The following TERT variants were observed in gnomAD, a reference collection of about 807,000 sequenced individuals.
The protein encoded by TERT is telomerase reverse transcriptase.
A neutral mutation model predicts 104.0 loss-of-function variants in TERT; 42 were observed. That is an observed-to-expected ratio of 0.40 (90% confidence interval 0.32 to 0.52). The LOEUF (loss-of-function observed/expected upper bound fraction) is 0.52. Among genes scored for constraint, TERT ranks in the 20% least tolerant of loss-of-function variants. The pLI, the probability that TERT is intolerant of heterozygous loss-of-function variation, is 0.43. For missense variants in TERT, 1,101 were observed against 1,610.3 expected (o/e 0.68, Z 5.41); for synonymous variants, 781 against 725.6 (o/e 1.08, Z -1.23).
chr5:1,281,302 C>T (rs1579578624), intron 3 of TERT, among the ~76,000 whole-genome samples: 1 of 152,242 alleles, frequency 6.6e-6, no homozygotes, highest in Non-Finnish European at 1.5e-5. Flanking sequence ...AGCACCACGT[C>T]GGGGTCCCCA....
rs532158398 is a variant in TERT at position 1,264,581 on chromosome 5, C to T, written c.2666G>A (p.Arg889Gln). Residue 889 changes from arginine (R) to glutamine (Q), a missense_variant, in exon 11 of 16, where the codon CGA becomes CAA. By Grantham distance (43) the Arg-to-Gln change is conservative (BLOSUM62 1). Coordinates refer to ENST00000310581, the MANE Select transcript of TERT (RefSeq NM_198253.3). Reference protein sequence around the residue: ...HAKTFLRTLVRGVPEYGCVVN... With the variant: ...HAKTFLRTLVQGVPEYGCVVN... ...CACGCAGCCATACTCAGGGACACCT[C>T]GGACCAGGGTCCTAAGGCAGAGGGG... The T allele has an allele frequency of 9.9e-6, 16 of 1,613,956 alleles. No individual in the cohort carries two copies. Among genetic ancestry groups the T allele is most frequent in the Admixed American group, 5.0e-5 (3 of 60,028 alleles).
At chr5:1,294,727 G>C (rs1284226621) in intron 1 of TERT, 44 bp downstream of exon 1, 1 of 1,569,954 alleles carries the variant, frequency 6.4e-7, no homozygotes, top group Admixed American at 1.8e-5. Flanking sequence ...GTTCCCCCCG[G>C]CCGCCCTCAA....
At chr5:1,273,210 G>A (rs112331487) in intron 6 of TERT, among the ~76,000 whole-genome samples, 2 of 16,532 alleles carry the variant, frequency 1.2e-4, no homozygotes, top group Non-Finnish European at 2.2e-4. Flanking sequence ...CCCCACGACC[G>A]CCATCCACAG....
intron 2 of TERT, among the ~76,000 whole-genome samples, chr5:1,289,359 G>C (rs1476138138): frequency 6.9e-6 from 1 of 143,974 alleles, no homozygotes; most frequent in Non-Finnish European, 1.5e-5. Context: ...CCCTACACGT[G>C]ACAGGGACAC....
At chr5:1,290,596 C>A (rs369950186) in intron 2 of TERT, among the ~76,000 whole-genome samples, 339 of 43,628 alleles carry the variant, frequency 7.8e-3, no homozygotes, top group Non-Finnish European at 0.012. Flanking sequence ...ACCCGGGGAC[C>A]GCGCCTCACT....
rs536781161 is a variant in TERT at position 1,288,953 on chromosome 5, T to C, written c.1573+4360A>G. Among the ~76,000 whole-genome samples, 4 of 152,242 alleles carry C rather than the reference T, an allele frequency of 2.6e-5. No homozygotes were observed. In the South Asian group the frequency reaches 6.2e-4, roughly 24 times the overall value. ...AAGAAGAGCCGAGCATCAGAAAAGA[T>C]AGGCTTGGGGACCAGCACTGCGCCT... On this transcript the variant is annotated intron_variant, in intron 2 of 15. Coordinates refer to ENST00000310581, the MANE Select transcript of TERT (RefSeq NM_198253.3). This position sits in a 1 kb window ranked among gnomAD's most constrained non-coding sequence, Gnocchi z 5.3.
chr5:1,287,615 T>G lies in TERT; in HGVS notation c.1574-4991A>C, dbSNP rs1750577076. Reference sequence around the variant, plus strand: ...TACTAAGAGCAATTTAAAAAAAGAATTACTAGATTACTAGAGACATAGAAG... The same window carrying G: ...TACTAAGAGCAATTTAAAAAAAGAAGTACTAGATTACTAGAGACATAGAAG... On this transcript the variant is annotated intron_variant, in intron 2 of 15. Transcript: ENST00000310581. This position sits in a 1 kb window ranked among gnomAD's most constrained non-coding sequence, Gnocchi z 4.3. Among the ~76,000 whole-genome samples the G allele has an allele frequency of 6.6e-6, 1 of 151,046 alleles. No homozygotes were observed. The highest frequency in any genetic ancestry group is 2.4e-5 in the African/African-American group (1 of 41,022).
intron 3 of TERT, 122 bp from the exon 4 acceptor site, chr5:1,280,460 C>A (rs1339808151): frequency 1.8e-6 from 2 of 1,124,038 alleles, no homozygotes; most frequent in Non-Finnish European, 2.6e-6. Flanking sequence ...GCAGCACACG[C>A]TGAAGGCCAT....
chr5:1,264,192 AC>A, intron 11 of TERT: 2 of 600,590 alleles, frequency 3.3e-6, no homozygotes, highest in Non-Finnish European at 5.9e-6. Flanking sequence ...CCAAAATAGC[AC>A]AGAAAACTGC....
chr5:1,260,408 A>G, intron 12 of TERT, 66 bp downstream of exon 12: 7 of 1,609,762 alleles, frequency 4.3e-6, no homozygotes, highest in Non-Finnish European at 5.1e-6. Context: ...GCGCACACAC[A>G]CACACACATA....
At chr5:1,258,185 C>G (rs1747889525) in intron 13 of TERT, among the ~76,000 whole-genome samples, 1 of 152,248 alleles carries the variant, frequency 6.6e-6, no homozygotes, top group Non-Finnish European at 1.5e-5. Context: ...CGACCCTCAC[C>G]TGCACCCACC....
In TERT at chr5:1,272,323, C is replaced by T. The variant is rs778024053; in HGVS notation, c.2287-43G>A. ...GGCATGAGCCACAAATGTGGCCTGC[C>T]CCGGCCAGAGCTGGGCACTTGTTTC... On this transcript the variant is annotated intron_variant, in intron 6 of 15. Coordinates refer to ENST00000310581, the MANE Select transcript of TERT (RefSeq NM_198253.3). The T allele has an allele frequency of 1.8e-5, 28 of 1,532,182 alleles. No individual in the cohort carries two copies. In the South Asian group the frequency reaches 3.0e-4, roughly 16 times the overall value. The allele number at this position is 1,532,182 out of a possible 1,614,324, so 94.9% of individuals were successfully genotyped here. A position where few individuals can be genotyped will look rare whatever the true frequency, so the allele number is the denominator to read the frequency against.
In TERT at chr5:1,287,127, AAAC is replaced by A. The variant is rs1426607175; in HGVS notation, c.1574-4506_1574-4504del. On this transcript the variant is annotated intron_variant, in intron 2 of 15. Coordinates refer to ENST00000310581, the MANE Select transcript of TERT (RefSeq NM_198253.3). This position sits in a 1 kb window ranked among gnomAD's most constrained non-coding sequence, Gnocchi z 4.3. ...TGAAAATAAATCAGGTTATCCAGTT[AAAC>A]AACGACTGTCAGACTGGATTGGAAA... 1.3e-5 allele frequency among the ~76,000 whole-genome samples: 2 copies of A among 152,208 alleles called. No individual in the cohort carries two copies. Among genetic ancestry groups the A allele is most frequent in the Non-Finnish European group, 2.9e-5 (2 of 68,038 alleles).
rs1335989387 is a variant in TERT at position 1,255,153 on chromosome 5, C to T, written c.3157+134G>A. 3 of 1,151,002 alleles carry T rather than the reference C, an allele frequency of 2.6e-6. No homozygotes were observed. Among genetic ancestry groups the T allele is most frequent in the South Asian group, 1.4e-5 (1 of 73,614 alleles). The allele number at this position is 1,151,002 out of a possible 1,614,324, so 71.3% of individuals were successfully genotyped here. On this transcript the variant is annotated intron_variant, in intron 14 of 15. Transcript: ENST00000310581. This position sits in a 1 kb window ranked among gnomAD's most constrained non-coding sequence, Gnocchi z 6.9. Reference sequence around the variant, plus strand: ...CGAGAGGGCGGGCAGACGAGCCTGACAGTGGTTGGGTTAAACCACTTCCTG... The same window carrying T: ...CGAGAGGGCGGGCAGACGAGCCTGATAGTGGTTGGGTTAAACCACTTCCTG...
chr5:1,267,315 T>C (rs1362230181), intron 9 of TERT, among the ~76,000 whole-genome samples: 1 of 152,178 alleles, frequency 6.6e-6, no homozygotes, highest in Non-Finnish European at 1.5e-5. Context: ...TGTTCAGTGA[T>C]ACTATTTTCA....
chr5:1,282,759 A>C, intron 2 of TERT, 135 bp from the exon 3 acceptor site: 1 of 855,370 alleles, frequency 1.2e-6, no homozygotes, highest in Non-Finnish European at 1.9e-6. Context: ...CACCATCCGG[A>C]CACGGCACAT....
rs543592046 is a variant in TERT at position 1,264,921 on chromosome 5, T to C, written c.2655-329A>G. 2.6e-5 allele frequency among the ~76,000 whole-genome samples: 4 copies of C among 152,352 alleles called. No individual in the cohort carries two copies. In the South Asian group the frequency reaches 8.3e-4, roughly 32 times the overall value. On this transcript the variant is annotated intron_variant, in intron 10 of 15. Coordinates refer to ENST00000310581, the MANE Select transcript of TERT (RefSeq NM_198253.3). ...CCATGGCAACACCACAATCCCGTTATAGACTCATCTGTGGTCCGGGGCAGA... is the reference window on the plus strand; with the variant it reads ...CCATGGCAACACCACAATCCCGTTACAGACTCATCTGTGGTCCGGGGCAGA...
rs545320539 is a variant in TERT, at chr5:1,272,500, A to G, written c.2287-220T>C. ...ACCTGGGACTCCACCTGCAGCTACCACACATCAGACCCCTGTGACCGATCA... is the reference window on the plus strand; with the variant it reads ...ACCTGGGACTCCACCTGCAGCTACCGCACATCAGACCCCTGTGACCGATCA... On this transcript the variant is annotated intron_variant, in intron 6 of 15. Transcript: ENST00000310581. 4.3e-4 allele frequency among the ~76,000 whole-genome samples: 65 copies of G among 150,870 alleles called. 1 individual carries two copies. In the South Asian group the frequency reaches 0.012, roughly 28 times the overall value.
At chr5:1,258,505 C>T (rs1747916096) in intron 13 of TERT, 93 bp downstream of exon 13, 6 of 1,178,348 alleles carry the variant, frequency 5.1e-6, no homozygotes, top group Non-Finnish European at 7.4e-6. Flanking sequence ...GCCCCTAAAA[C>T]CCAGGAGTTC....
Sources: allele counts gnomAD v4.1 joint callset (sites outside exome capture counted in the v4.1 genomes callset), GRCh38; gene constraint gnomAD v4.1.1; non-coding constraint Gnocchi (gnomAD v3.1); transcripts MANE v1.5; gene names NCBI Gene and HGNC (gene_info 2026-07-23, HGNC 2026-07-21).